CRISPLD1: variants seen among roughly 807,000 people sequenced by gnomAD.
CRISPLD1 encodes cysteine-rich secretory protein LCCL domain-containing 1.
Under a neutral mutation model 77.5 loss-of-function variants are expected in CRISPLD1, and 60 were observed. The ratio of observed to expected loss-of-function variants is 0.77; its 90% CI spans 0.63 to 0.96. CRISPLD1 has a LOEUF of 0.96. Among genes scored for constraint, CRISPLD1 ranks in the 40% least tolerant of loss-of-function variants. CRISPLD1 has a pLI of 0.00. For missense variants in CRISPLD1, 623 were observed against 615.8 expected (o/e 1.01, Z -0.12); for synonymous variants, 195 against 200.1 (o/e 0.97, Z 0.22).
At chr8:75,007,185 C>T (rs1245656751) in intron 2 of CRISPLD1, among the ~76,000 whole-genome samples, 1 of 151,944 alleles carries the variant, frequency 6.6e-6, no homozygotes, top group Non-Finnish European at 1.5e-5. Context: ...AATGAATTTT[C>T]ATATTATGTA....
chr8:74,986,912 A>G (rs1029262184), intron 2 of CRISPLD1, among the ~76,000 whole-genome samples: 1 of 152,184 alleles, frequency 6.6e-6, no homozygotes, highest in Non-Finnish European at 1.5e-5. Context: ...CTTTAAGACT[A>G]CTAGCATATA....
rs775346012 is a variant in CRISPLD1, at chr8:75,017,126, A to G, written c.996+13A>G. The G allele has an allele frequency of 1.2e-6, 2 of 1,600,900 alleles. No individual in the cohort carries two copies. Among genetic ancestry groups the G allele is most frequent in the Non-Finnish European group, 1.7e-6 (2 of 1,168,970 alleles). The stretch of plus-strand genomic sequence containing the variant: ...ACATTATGAAATGGTAAGTGTTATA[A>G]ATGTAATTATTTGAGGATAGAGTCA... On this transcript the variant is annotated intron_variant, in intron 9 of 14. Coordinates refer to ENST00000262207, the MANE Select transcript of CRISPLD1 (RefSeq NM_031461.6).
At chr8:75,005,873 C>T (rs1563395827) in intron 2 of CRISPLD1, among the ~76,000 whole-genome samples, 1 of 152,156 alleles carries the variant, frequency 6.6e-6, no homozygotes, top group African/African-American at 2.4e-5. Flanking sequence ...TGCAATGCCA[C>T]CATATTTCCA....
At chr8:75,029,312 T>A in intron 13 of CRISPLD1, 75 bp from the exon 14 acceptor site, 1 of 1,462,442 alleles carries the variant, frequency 6.8e-7, no homozygotes, top group Non-Finnish European at 9.3e-7. Context: ...TTCAGTCTAT[T>A]AATAATAGAA....
intron 2 of CRISPLD1, among the ~76,000 whole-genome samples, chr8:74,996,663 G>A (rs896674200): frequency 1.3e-4 from 19 of 151,320 alleles, no homozygotes; most frequent in Admixed American, 1.3e-3. Context: ...TCCATAACAG[G>A]GTAAGTATTA....
rs1554593617 is a variant in CRISPLD1 at position 74,992,909 on chromosome 8, T to TTG, written c.258+6665_258+6666insGT. Among the ~76,000 whole-genome samples, 127 of 140,136 alleles carry TTG rather than the reference T, an allele frequency of 9.1e-4. 2 individuals carry two copies. The highest frequency in any genetic ancestry group is 3.6e-3 in the Middle Eastern group (1 of 280). 91.9% of individuals were successfully genotyped at this position (140,136 alleles called of 152,430 possible). On this transcript the variant is annotated intron_variant, in intron 2 of 14. Transcript: ENST00000262207. ...TGCTTAAAATTAGAAATTATGGTTT[T>TTG]TTTTTTTTTTTTTTTTTCCTTCTGT... is the stretch of plus-strand genomic sequence containing the variant.
chr8:75,012,513 T>G lies in CRISPLD1; in HGVS notation c.339T>G (p.Leu113=). 1 of 1,612,714 alleles carries G rather than the reference T, an allele frequency of 6.2e-7. No individual in the cohort carries two copies. The highest frequency in any genetic ancestry group is 8.5e-7 in the Non-Finnish European group (1 of 1,178,954). The change falls in exon 3 of 15, where the codon CTT becomes CTG. Residue 113 remains leucine (L), a synonymous_variant. Coordinates refer to ENST00000262207, the MANE Select transcript of CRISPLD1 (RefSeq NM_031461.6). ...CLWEHGPASL[L]PSIGQNLGAH... ...GGGAACATGGACCTGCAAGCTTGCTTCCATCAATTGGACAGAATTTGGGAG... is the reference window on the plus strand; with the variant it reads ...GGGAACATGGACCTGCAAGCTTGCTGCCATCAATTGGACAGAATTTGGGAG...
intron 13 of CRISPLD1, 87 bp downstream of exon 13, chr8:75,025,708 A>G (rs915617958): frequency 7.1e-6 from 4 of 566,222 alleles, no homozygotes; most frequent in African/African-American, 3.8e-5. Flanking sequence ...GTACATTTAT[A>G]TACAGAGCGA....
At chr8:74,988,020 A>G (rs923124602) in intron 2 of CRISPLD1, among the ~76,000 whole-genome samples, 2 of 152,164 alleles carry the variant, frequency 1.3e-5, no homozygotes, top group Non-Finnish European at 2.9e-5. Context: ...GTAGATTCAG[A>G]AACCAGCCAG....
chr8:75,002,475 C>T (rs891095135), intron 2 of CRISPLD1, among the ~76,000 whole-genome samples: 1 of 145,312 alleles, frequency 6.9e-6, no homozygotes, highest in African/African-American at 2.7e-5. Flanking sequence ...GCCACAATAA[C>T]TAGGGTTCAA....
At chr8:74,988,561 C>G (rs1330980255) in intron 2 of CRISPLD1, among the ~76,000 whole-genome samples, 2 of 152,086 alleles carry the variant, frequency 1.3e-5, no homozygotes, top group African/African-American at 2.4e-5. Flanking sequence ...CTGGGCTGGG[C>G]ACAGTGGTTC....
At chr8:74,991,902 C>T (rs940861698) in intron 2 of CRISPLD1, among the ~76,000 whole-genome samples, 2 of 152,168 alleles carry the variant, frequency 1.3e-5, no homozygotes, top group Admixed American at 1.3e-4. Flanking sequence ...CTCGCCATTC[C>T]ACTGCTTCAT....
intron 10 of CRISPLD1, among the ~76,000 whole-genome samples, chr8:75,018,665 T>A (rs560706446): frequency 2.6e-5 from 4 of 151,126 alleles, no homozygotes; most frequent in African/African-American, 4.9e-5. Context: ...AAAAAAAAAA[T>A]TTTTTTTAAA....
chr8:75,016,758 C>T, intron 7 of CRISPLD1, 53 bp downstream of exon 7: 1 of 1,560,912 alleles, frequency 6.4e-7, no homozygotes, highest in Non-Finnish European at 8.7e-7. Context: ...AATGGTATAT[C>T]CATCAAGATT....
intron 2 of CRISPLD1, among the ~76,000 whole-genome samples, chr8:74,992,894 T>G (rs1465630951): frequency 6.6e-6 from 1 of 150,450 alleles, no homozygotes. Context: ...TGCTTAAAAT[T>G]AGAAATTATG....
intron 2 of CRISPLD1, among the ~76,000 whole-genome samples, chr8:74,987,031 A>G (rs1471931205): frequency 1.3e-5 from 2 of 152,234 alleles, no homozygotes; most frequent in Non-Finnish European, 2.9e-5. Context: ...CTGATAATAA[A>G]TAGTTATTGG....
At chr8:75,024,816 G>A (rs1462395004) in intron 12 of CRISPLD1, among the ~76,000 whole-genome samples, 1 of 152,136 alleles carries the variant, frequency 6.6e-6, no homozygotes, top group South Asian at 2.1e-4. Flanking sequence ...TACAGCCAAT[G>A]GAAATTGCTG....
In CRISPLD1 at chr8:75,034,457, C is replaced by T. The variant is rs1200166764; in HGVS notation, c.*2215C>T. On this transcript the variant is annotated 3_prime_UTR_variant, in exon 15 of 15. Transcript: ENST00000262207. Reference sequence around the variant, plus strand: ...GGGGAAACTATTCATCTGTCATATACTATTGATCCTTTGGCACTTAAATAA... The same window carrying T: ...GGGGAAACTATTCATCTGTCATATATTATTGATCCTTTGGCACTTAAATAA... The T allele has an allele frequency of 1.3e-5, 2 of 152,148 alleles. No homozygotes were observed. Among genetic ancestry groups the T allele is most frequent in the East Asian group, 3.9e-4 (2 of 5,170 alleles). 9.4% of individuals were successfully genotyped at this position (152,148 alleles called of 1,614,324 possible).
chr8:74,996,309 GTTA>G (rs1279583454), intron 2 of CRISPLD1, among the ~76,000 whole-genome samples: 3 of 151,992 alleles, frequency 2.0e-5, no homozygotes, highest in Non-Finnish European at 4.4e-5. Context: ...AAAGTGATTT[GTTA>G]TTATTGATAA....
Sources: gnomAD v4.1 joint callset for allele counts (sites outside exome capture counted in the v4.1 genomes callset) on GRCh38, gnomAD v4.1.1 for gene constraint, MANE v1.5 for transcripts, NCBI Gene and HGNC (gene_info 2026-07-23, HGNC 2026-07-21) for gene names.